The following MARCHF1 variants were observed in gnomAD, a reference collection of about 807,000 sequenced individuals.
MARCHF1 encodes the protein E3 ubiquitin-protein ligase MARCHF1.
A neutral mutation model predicts 54.2 loss-of-function variants in MARCHF1; 40 were observed. The observed-to-expected ratio is 0.74, with a 90% CI of 0.57 to 0.96. The LOEUF is 0.96. Among genes scored for constraint, MARCHF1 ranks in the 40% least tolerant of loss-of-function variants. The pLI, the probability that MARCHF1 is intolerant of heterozygous loss-of-function variation, is 0.00. For missense variants in MARCHF1, 586 were observed against 656.5 expected (o/e 0.89, Z 1.17); for synonymous variants, 236 against 236.3 (o/e 1.00, Z 0.01).
chr4:164,245,004 T>A, intron 1 of MARCHF1, among the ~76,000 whole-genome samples: 1 of 152,164 alleles, frequency 6.6e-6, no homozygotes, highest in African/African-American at 2.4e-5. Flanking sequence ...ACCAGATGGA[T>A]ACACAGCCGA....
chr4:163,580,664 A>G (rs1479092727), intron 8 of MARCHF1, among the ~76,000 whole-genome samples: 1 of 152,228 alleles, frequency 6.6e-6, no homozygotes, highest in Non-Finnish European at 1.5e-5. Flanking sequence ...GCATATAATG[A>G]TATACTTGAG....
At chr4:164,234,795 GAT>G (rs1732501640) in intron 1 of MARCHF1, 2 of 151,904 alleles carry the variant, frequency 1.3e-5, no homozygotes, top group South Asian at 4.1e-4. Context: ...AGTCTCAGCA[GAT>G]AAGACAAAAA....
chr4:163,672,314 G>A (rs963170256), intron 5 of MARCHF1, among the ~76,000 whole-genome samples: 1 of 151,996 alleles, frequency 6.6e-6, no homozygotes, highest in Non-Finnish European at 1.5e-5. Context: ...TACATGTGAA[G>A]GTTTGTTACA....
intron 3 of MARCHF1, among the ~76,000 whole-genome samples, chr4:163,968,471 A>T (rs1205739533): frequency 6.6e-6 from 1 of 152,200 alleles, no homozygotes; most frequent in Admixed American, 6.5e-5. Context: ...TCTTTCTCGA[A>T]AACTCAGAAA....
At chr4:163,736,019 GTAA>G (rs566241209) in intron 4 of MARCHF1, among the ~76,000 whole-genome samples, 77 of 152,164 alleles carry the variant, frequency 5.1e-4, no homozygotes, top group Non-Finnish European at 6.5e-4. Flanking sequence ...ATGAATAACA[GTAA>G]TAATAAAATA....
intron 1 of MARCHF1, among the ~76,000 whole-genome samples, chr4:164,235,600 T>C (rs1053164784): frequency 3.3e-5 from 5 of 152,114 alleles, no homozygotes; most frequent in African/African-American, 1.2e-4. Context: ...TGGATGGAGC[T>C]GGAGACCATT....
chr4:164,068,432 G>A (rs528141899), intron 2 of MARCHF1, among the ~76,000 whole-genome samples: 17 of 152,270 alleles, frequency 1.1e-4, no homozygotes, highest in South Asian at 6.2e-4. Context: ...TGTGTGCGGC[G>A]CTTGTGGGCC....
At chr4:164,042,251 G>C (rs4285048) in intron 2 of MARCHF1, among the ~76,000 whole-genome samples, 63,956 of 151,878 alleles carry the variant, frequency 0.42, 15,677 homozygotes, top group Non-Finnish European at 0.56. Context: ...GTATTAGTCT[G>C]TTCTTACACT....
chr4:163,804,545 T>C (rs971376816), intron 4 of MARCHF1, among the ~76,000 whole-genome samples: 1 of 152,166 alleles, frequency 6.6e-6, no homozygotes, highest in Non-Finnish European at 1.5e-5. Context: ...GGAAGAAGAC[T>C]CAGTGGTCTA....
chr4:163,890,621 T>A (rs1010438058), intron 3 of MARCHF1, among the ~76,000 whole-genome samples: 1 of 152,180 alleles, frequency 6.6e-6, no homozygotes, highest in Non-Finnish European at 1.5e-5. Flanking sequence ...AGGTTGACAA[T>A]CCCTTATCCA....
At chr4:164,230,808 A>G (rs1202682413) in intron 1 of MARCHF1, among the ~76,000 whole-genome samples, 2 of 152,126 alleles carry the variant, frequency 1.3e-5, no homozygotes, top group East Asian at 3.9e-4. Flanking sequence ...TAACTACTAC[A>G]TGTTACTATT....
At chr4:164,051,284 A>C (rs78482933) in intron 2 of MARCHF1, among the ~76,000 whole-genome samples, 1,599 of 152,340 alleles carry the variant, frequency 0.01, 21 homozygotes, top group African/African-American at 0.035. Flanking sequence ...ACATGATGTA[A>C]TAATGCATAG....
At chr4:163,784,142 T>TC (rs975692217) in intron 4 of MARCHF1, among the ~76,000 whole-genome samples, 1 of 141,024 alleles carries the variant, frequency 7.1e-6, no homozygotes, top group African/African-American at 2.7e-5. Flanking sequence ...CAGAAATTCT[T>TC]TTTTTTTTTT....
chr4:163,817,966 TG>T (rs1156474194), intron 4 of MARCHF1, among the ~76,000 whole-genome samples: 2 of 48,024 alleles, frequency 4.2e-5, no homozygotes, highest in African/African-American at 9.4e-5. Context: ...TGTTGTGGGG[TG>T]GGGGGAGGGG....
intron 3 of MARCHF1, among the ~76,000 whole-genome samples, chr4:163,864,426 A>G (rs1278345792): frequency 1.3e-5 from 2 of 152,028 alleles, no homozygotes; most frequent in Non-Finnish European, 2.9e-5. Flanking sequence ...AAAGTCTAAG[A>G]AACTGTTACA....
chr4:163,599,175 G>C (rs551684978), intron 7 of MARCHF1, among the ~76,000 whole-genome samples: 1 of 152,182 alleles, frequency 6.6e-6, no homozygotes, highest in South Asian at 2.1e-4. Flanking sequence ...TGTAATCCCA[G>C]CTACTTGGGA....
At chr4:163,900,606 C>T (rs901252916) in intron 3 of MARCHF1, among the ~76,000 whole-genome samples, 1 of 152,076 alleles carries the variant, frequency 6.6e-6, no homozygotes. Context: ...ATTTTTGATA[C>T]CATGATTATC....
intron 8 of MARCHF1, among the ~76,000 whole-genome samples, chr4:163,569,279 G>A (rs554251796): frequency 3.3e-5 from 5 of 152,166 alleles, no homozygotes; most frequent in Admixed American, 6.6e-5. Context: ...GCTGGGTCAC[G>A]ATAGCCACGC....
At chr4:163,559,595 G>A (rs1739402075) in intron 8 of MARCHF1, among the ~76,000 whole-genome samples, 1 of 152,166 alleles carries the variant, frequency 6.6e-6, no homozygotes, top group African/African-American at 2.4e-5. Flanking sequence ...AATGACAGGA[G>A]CCACCACTGG....
Sources: allele counts gnomAD v4.1 joint callset (sites outside exome capture counted in the v4.1 genomes callset), GRCh38; gene constraint gnomAD v4.1.1; transcripts MANE v1.5; gene names NCBI Gene and HGNC (gene_info 2026-07-23, HGNC 2026-07-21).